Variants in BNC2 observed in about 807,000 individuals in gnomAD.
The protein encoded by BNC2 is basonuclin zinc finger protein 2.
In BNC2, 20 loss-of-function variants were observed where a neutral mutation model predicts 76.3. The observed-to-expected ratio is 0.26, with a 90% CI of 0.18 to 0.38. The LOEUF (loss-of-function observed/expected upper bound fraction) is 0.38, where lower values mean the gene tolerates loss of function less well. BNC2 is among the 10% of genes least tolerant of loss of function. The probability of loss-of-function intolerance (pLI) is 1.00; values close to 1 mark genes in which losing one functional copy is unlikely to be tolerated. For missense variants in BNC2, 1,382 were observed against 1,399.8 expected (o/e 0.99, Z 0.20); for synonymous variants, 582 against 514.8 (o/e 1.13, Z -1.77).
chr9:16,703,868 A>AT (rs1645849776), intron 3 of BNC2, among the ~76,000 whole-genome samples: 2 of 152,160 alleles, frequency 1.3e-5, no homozygotes, highest in African/African-American at 4.8e-5. Context: ...GTTTTTTCTT[A>AT]TAACTATTTG....
At chr9:16,828,398 T>C (rs1818500290) in intron 1 of BNC2, among the ~76,000 whole-genome samples, 1 of 152,200 alleles carries the variant, frequency 6.6e-6, no homozygotes, top group African/African-American at 2.4e-5. Flanking sequence ...TGAGTAAGCA[T>C]AAACCCTTCC....
intron 1 of BNC2, among the ~76,000 whole-genome samples, chr9:16,754,225 TCA>T (rs1825309427): frequency 6.6e-6 from 1 of 152,228 alleles, no homozygotes; most frequent in South Asian, 2.1e-4. Context: ...TATCTTCAGC[TCA>T]CAGTCAGTCA....
Position 16,727,818 on chromosome 9 carries a change from G to A in BNC2, c.309C>T (p.Leu103=), listed in dbSNP as rs1340766273. 1 of 1,614,104 alleles carries A rather than the reference G, an allele frequency of 6.2e-7. No individual in the cohort carries two copies. The highest frequency in any genetic ancestry group is 1.3e-5 in the African/African-American group (1 of 75,034). ...MGTWQNADTN[L]LFRMSQQAIR... Reference sequence around the variant, plus strand: ...TTACCTGTTGGGACATTCTGAATAAGAGGTTAGTATCAGCGTTTTGCCATG... The same window carrying A: ...TTACCTGTTGGGACATTCTGAATAAAAGGTTAGTATCAGCGTTTTGCCATG... Residue 103 remains leucine (L), a synonymous_variant, in exon 3 of 7, where the codon CTC becomes CTT. Coordinates refer to ENST00000380672, the MANE Select transcript of BNC2 (RefSeq NM_017637.6).
intron 1 of BNC2, among the ~76,000 whole-genome samples, chr9:16,771,168 C>T (rs1048857529): frequency 1.3e-5 from 2 of 151,844 alleles, no homozygotes; most frequent in African/African-American, 4.8e-5. Flanking sequence ...GACTCTGTCC[C>T]CCAAAAAAAG....
At chr9:16,541,366 T>G (rs1233350775) in intron 5 of BNC2, among the ~76,000 whole-genome samples, 2 of 152,214 alleles carry the variant, frequency 1.3e-5, no homozygotes, top group African/African-American at 4.8e-5. Flanking sequence ...TGATTCAGAA[T>G]TGAAAAGCTC....
chr9:16,490,515 C>A (rs180757736), intron 5 of BNC2, among the ~76,000 whole-genome samples: 100 of 152,254 alleles, frequency 6.6e-4, no homozygotes, highest in African/African-American at 2.1e-3. Flanking sequence ...CTAATACACA[C>A]CTTTATTAGT....
At chr9:16,859,862 T>G (rs1421970270) in intron 1 of BNC2, among the ~76,000 whole-genome samples, 1 of 152,256 alleles carries the variant, frequency 6.6e-6, no homozygotes, top group Non-Finnish European at 1.5e-5. Flanking sequence ...GGCTCACGCC[T>G]GTTATCCCAG....
intron 2 of BNC2, among the ~76,000 whole-genome samples, chr9:16,736,842 T>C (rs1216814121): frequency 1.3e-5 from 2 of 151,674 alleles, no homozygotes; most frequent in African/African-American, 4.8e-5. Context: ...CTTTCACTCT[T>C]GTTGTGCAGG....
intron 5 of BNC2, among the ~76,000 whole-genome samples, chr9:16,489,351 G>C (rs994084833): frequency 1.3e-5 from 2 of 152,198 alleles, no homozygotes; most frequent in African/African-American, 4.8e-5. Context: ...CATGTGGCTA[G>C]TGGCTACTGT....
rs1436134908 is a variant in BNC2, at chr9:16,409,915, A to G, written c.*9074T>C. ...AGAGACTGGTTTTATGCAGATGAGA[A>G]CAATATAAACAAAAAAAAGGAATAA... On this transcript the variant is annotated 3_prime_UTR_variant, in exon 7 of 7. Coordinates refer to ENST00000380672, the MANE Select transcript of BNC2 (RefSeq NM_017637.6). 1 of 151,776 alleles carries G rather than the reference A, an allele frequency of 6.6e-6. No homozygotes were observed. The highest frequency in any genetic ancestry group is 2.4e-5 in the African/African-American group (1 of 41,166). The allele number at this position is 151,776 out of a possible 1,614,324, so 9.4% of individuals were successfully genotyped here.
chr9:16,472,994 AG>A (rs1821856690), intron 5 of BNC2, among the ~76,000 whole-genome samples: 1 of 152,158 alleles, frequency 6.6e-6, no homozygotes, highest in South Asian at 2.1e-4. Context: ...CAGAGTCCCA[AG>A]GCACATCTAG....
rs140175726 is a variant in BNC2, at chr9:16,640,609, C to A, written c.331-57524G>T. On this transcript the variant is annotated intron_variant, in intron 3 of 6. Coordinates refer to ENST00000380672, the MANE Select transcript of BNC2 (RefSeq NM_017637.6). The stretch of plus-strand genomic sequence containing the variant: ...TATTAGGCTGAGAAAACATGTAGAA[C>A]ATATTCAAGTTTATGCAAGAAACTG... 1.2e-3 allele frequency among the ~76,000 whole-genome samples: 190 copies of A among 152,254 alleles called. 1 individual carries two copies. In the East Asian group the frequency reaches 0.027, roughly 22 times the overall value.
At chr9:16,731,903 C>T (rs2135041693) in intron 2 of BNC2, among the ~76,000 whole-genome samples, 1 of 152,092 alleles carries the variant, frequency 6.6e-6, no homozygotes, top group African/African-American at 2.4e-5. Flanking sequence ...CTTTTTAAAA[C>T]CTTTTTGCAT....
chr9:16,839,680 C>T (rs796331560), intron 1 of BNC2, among the ~76,000 whole-genome samples: 10 of 152,262 alleles, frequency 6.6e-5, no homozygotes, highest in South Asian at 4.1e-4. Flanking sequence ...CTCTATAGCA[C>T]GTAATTCTCT....
intron 3 of BNC2, 105 bp from the exon 4 acceptor site, chr9:16,583,190 G>T: frequency 1.1e-6 from 1 of 910,586 alleles, no homozygotes; most frequent in Non-Finnish European, 1.8e-6. Context: ...AAGATTTTAT[G>T]ATGGTAGGGG....
chr9:16,657,405 C>T (rs369997698), intron 3 of BNC2, among the ~76,000 whole-genome samples: 3 of 152,264 alleles, frequency 2.0e-5, no homozygotes, highest in African/African-American at 7.2e-5. Flanking sequence ...AAAACAGAAA[C>T]GCTTCTACAA....
intron 3 of BNC2, among the ~76,000 whole-genome samples, chr9:16,673,655 T>G (rs1033570888): frequency 6.6e-6 from 1 of 152,156 alleles, no homozygotes; most frequent in African/African-American, 2.4e-5. Context: ...ACAGAATAGA[T>G]TAAATAACAA....
In BNC2 at chr9:16,671,942, T is replaced by C. The variant is rs190933199; in HGVS notation, c.330+55855A>G. ...CAGTGAAAATATACCTGTACATACA[T>C]TGTAAGGTTGTCTTATGCCACAGTT... On this transcript the variant is annotated intron_variant, in intron 3 of 6. Coordinates refer to ENST00000380672, the MANE Select transcript of BNC2 (RefSeq NM_017637.6). Among the ~76,000 whole-genome samples, 22 of 152,296 alleles carry C rather than the reference T, an allele frequency of 1.4e-4. No homozygotes were observed. The East Asian group carries it at 3.1e-3, about 21-fold the overall frequency.
intron 4 of BNC2, among the ~76,000 whole-genome samples, chr9:16,570,268 C>A (rs1201761409): frequency 2.0e-5 from 3 of 152,080 alleles, no homozygotes; most frequent in Non-Finnish European, 2.9e-5. Context: ...AGGGAAATAT[C>A]TAAAAGAAAG....
Sources: allele counts gnomAD v4.1 joint callset (sites outside exome capture counted in the v4.1 genomes callset), GRCh38; gene constraint gnomAD v4.1.1; transcripts MANE v1.5; gene names NCBI Gene and HGNC (gene_info 2026-07-23, HGNC 2026-07-21).